The following SPATA6L variants were observed in gnomAD, a reference collection of about 807,000 sequenced individuals.
The protein encoded by SPATA6L is spermatogenesis associated 6 like, also known as spermatogenesis associated 6-like protein.
A neutral mutation model predicts 49.2 loss-of-function variants in SPATA6L; 68 were observed. The observed-to-expected ratio is 1.38, with a 90% confidence interval of 1.14 to 1.69. The LOEUF (loss-of-function observed/expected upper bound fraction) is 1.69. Ranked by LOEUF, SPATA6L falls within the 40% of genes most tolerant of loss-of-function variation. SPATA6L has a pLI of 0.00. For synonymous variants in SPATA6L, 198 were observed against 165.7 expected (o/e 1.19, Z -1.50); for missense variants, 668 against 464.3 (o/e 1.44, Z -4.03).
At chr9:4,607,187 C>T (rs1377166846) in intron 9 of SPATA6L, among the ~76,000 whole-genome samples, 9 of 152,012 alleles carry the variant, frequency 5.9e-5, no homozygotes, top group East Asian at 1.9e-4. Context: ...CTGAAAGTGA[C>T]GGGGAGAATG....
In SPATA6L at chr9:4,599,329, G is replaced by C. The variant is rs190027497; in HGVS notation, c.*1482C>G. Among the ~76,000 whole-genome samples, 2 of 152,128 alleles carry C rather than the reference G, an allele frequency of 1.3e-5. No individual in the cohort carries two copies. The highest frequency in any genetic ancestry group is 2.4e-5 in the African/African-American group (1 of 41,416). On this transcript the variant is annotated 3_prime_UTR_variant, in exon 12 of 12. Coordinates refer to ENST00000682582, the MANE Select transcript of SPATA6L (RefSeq NM_001353486.2). ...TTATTTGGCTGAAATTCTAAGAAGA[G>C]GATAAATGAATTTTGTTTTGTTGTT...
intron 6 of SPATA6L, among the ~76,000 whole-genome samples, chr9:4,622,965 T>C (rs1430173734): frequency 7.0e-6 from 1 of 142,428 alleles, no homozygotes. Context: ...GGTCCGAGTA[T>C]CTACATTTTT....
chr9:4,597,502 G>A (rs564915268), downstream of SPATA6L, among the ~76,000 whole-genome samples: 1 of 152,194 alleles, frequency 6.6e-6, no homozygotes, highest in African/African-American at 2.4e-5. Context: ...ATCAAGAAAA[G>A]GACCCATCTG....
At chr9:4,594,849 C>T (rs143863355), downstream of SPATA6L, among the ~76,000 whole-genome samples, 23 of 152,134 alleles carry the variant, frequency 1.5e-4, no homozygotes, top group African/African-American at 4.1e-4. Context: ...AAGGCCTTCA[C>T]GATAAGAACA....
At chr9:4,589,064 A>T (rs1208888457) in intron 13 of SPATA6L, 1 of 152,202 alleles carries the variant, frequency 6.6e-6, no homozygotes, top group Non-Finnish European at 1.5e-5. Context: ...CCAGCAAGGG[A>T]CTATGGAACA....
At chr9:4,601,188 C>T (rs1019461967) in intron 11 of SPATA6L, among the ~76,000 whole-genome samples, 17 of 152,034 alleles carry the variant, frequency 1.1e-4, no homozygotes, top group Admixed American at 9.8e-4. Context: ...CCTTCCTTCC[C>T]TTCCCTCCTT....
downstream of SPATA6L, among the ~76,000 whole-genome samples, chr9:4,595,923 G>A (rs1044047459): frequency 6.6e-6 from 1 of 152,206 alleles, no homozygotes; most frequent in East Asian, 1.9e-4. Context: ...GCTTTATGTG[G>A]GCCACAGAGC....
chr9:4,664,539 C>T (rs967034595), intron 1 of SPATA6L: 2 of 167,022 alleles, frequency 1.2e-5, no homozygotes, highest in South Asian at 2.1e-4. Context: ...CCAAAGACCA[C>T]CAAACGCAGG....
intron 1 of SPATA6L, among the ~76,000 whole-genome samples, chr9:4,665,971 G>C (rs1840793800): frequency 6.6e-6 from 1 of 150,934 alleles, no homozygotes; most frequent in South Asian, 2.1e-4. Flanking sequence ...TCATGATAAA[G>C]ATAAGAAACA....
chr9:4,640,439 G>A (rs953844066), intron 3 of SPATA6L, among the ~76,000 whole-genome samples: 1 of 151,952 alleles, frequency 6.6e-6, no homozygotes, highest in Non-Finnish European at 1.5e-5. Flanking sequence ...TGAAAGCAAT[G>A]AGAAAAAATA....
chr9:4,614,015 G>A (rs766706126), intron 9 of SPATA6L, among the ~76,000 whole-genome samples: 3 of 152,104 alleles, frequency 2.0e-5, no homozygotes, highest in Admixed American at 6.6e-5. Context: ...ATACCAAAGC[G>A]ACTCTTTCAT....
chr9:4,606,003 C>G (rs910196468), intron 9 of SPATA6L, among the ~76,000 whole-genome samples: 2 of 152,250 alleles, frequency 1.3e-5, no homozygotes, highest in South Asian at 2.1e-4. Context: ...ACTCGGGAAG[C>G]GCAAGGGGTC....
intron 4 of SPATA6L, among the ~76,000 whole-genome samples, chr9:4,631,853 C>A (rs10974678): frequency 0.066 from 10,084 of 152,120 alleles, 544 homozygotes; most frequent in East Asian, 0.3. Context: ...TCTTCCACCA[C>A]TCACCAGTTC....
intron 3 of SPATA6L, among the ~76,000 whole-genome samples, chr9:4,645,691 C>T (rs909651537): frequency 1.3e-5 from 2 of 152,156 alleles, no homozygotes; most frequent in African/African-American, 4.8e-5. Flanking sequence ...ATACATGCTA[C>T]AACATGGCTG....
intron 6 of SPATA6L, among the ~76,000 whole-genome samples, chr9:4,622,859 C>G (rs1829640958): frequency 6.6e-6 from 1 of 152,198 alleles, no homozygotes; most frequent in Admixed American, 6.5e-5. Flanking sequence ...GTTTCACATT[C>G]CTGAAACAGT....
chr9:4,627,821 C>T (rs998098156), intron 5 of SPATA6L: 3 of 1,288,900 alleles, frequency 2.3e-6, no homozygotes, highest in African/African-American at 1.5e-5. Flanking sequence ...ATGTTTACTG[C>T]AGCACTATTC....
At chr9:4,649,160 T>C (rs763819434) in intron 3 of SPATA6L, among the ~76,000 whole-genome samples, 3 of 152,220 alleles carry the variant, frequency 2.0e-5, no homozygotes, top group African/African-American at 7.2e-5. Flanking sequence ...ATTTTTGCAA[T>C]TGCAAATTGT....
At chr9:4,590,581 T>C (rs1171071665) in intron 13 of SPATA6L, among the ~76,000 whole-genome samples, 3 of 152,194 alleles carry the variant, frequency 2.0e-5, no homozygotes, top group African/African-American at 7.2e-5. Context: ...ATTCCTTTGA[T>C]TATTCTGGTT....
rs1332189347 is a variant in SPATA6L at position 4,666,385 on chromosome 9, C to T, written c.-135G>A. The T allele has an allele frequency of 1.1e-6, 1 of 895,458 alleles. No homozygotes were observed. Among genetic ancestry groups the T allele is most frequent in the African/African-American group, 1.6e-5 (1 of 61,046 alleles). The allele number at this position is 895,458 out of a possible 1,614,324, so 55.5% of individuals were successfully genotyped here. On this transcript the variant is annotated 5_prime_UTR_variant, in exon 1 of 12. Coordinates refer to ENST00000682582, the MANE Select transcript of SPATA6L (RefSeq NM_001353486.2). Reference sequence around the variant, plus strand: ...TTCCCCAGTCCCACGCCCTTGTTCCCCTACCGTCCCCCCCAGCCCAGGTCC... The same window carrying T: ...TTCCCCAGTCCCACGCCCTTGTTCCTCTACCGTCCCCCCCAGCCCAGGTCC...
Sources: gnomAD v4.1 joint callset for allele counts (sites outside exome capture counted in the v4.1 genomes callset) on GRCh38, gnomAD v4.1.1 for gene constraint, MANE v1.5 for transcripts, NCBI Gene and HGNC (gene_info 2026-07-23, HGNC 2026-07-21) for gene names.